MYZAP: variants seen among roughly 807,000 people sequenced by gnomAD.
MYZAP encodes GRINL1A complex locus upstream.
In MYZAP, 66 loss-of-function variants were observed where a neutral mutation model predicts 69.4. The ratio of observed to expected loss-of-function variants is 0.95; its 90% CI spans 0.78 to 1.17. The LOEUF (loss-of-function observed/expected upper bound fraction) is 1.17, where lower values mean the gene tolerates loss of function less well. Among genes scored for constraint, MYZAP ranks in the 50% most tolerant of loss-of-function variants. The pLI is 0.00. For synonymous variants in MYZAP, 256 were observed against 205.9 expected (o/e 1.24, Z -2.09); for missense variants, 611 against 556.2 (o/e 1.10, Z -0.99).
At chr15:57,597,664 G>A (rs1327170829) in intron 1 of MYZAP, among the ~76,000 whole-genome samples, 2 of 152,204 alleles carry the variant, frequency 1.3e-5, no homozygotes, top group Admixed American at 6.5e-5. Flanking sequence ...AAGCAGGAAT[G>A]TTTTGTATGC....
chr15:57,653,854 A>C (rs1296992352), intron 10 of MYZAP, among the ~76,000 whole-genome samples: 2 of 151,856 alleles, frequency 1.3e-5, no homozygotes, highest in Non-Finnish European at 2.9e-5. Context: ...AAAATTAAAA[A>C]ATTAGCCAGG....
intron 2 of MYZAP, among the ~76,000 whole-genome samples, chr15:57,613,327 C>G (rs1016010754): frequency 8.6e-5 from 13 of 151,680 alleles, no homozygotes; most frequent in Non-Finnish European, 1.6e-4. Flanking sequence ...TTTTTAGTAC[C>G]AAGTAGCATT....
chr15:57,683,031 G>A (rs1567246603), intron 12 of MYZAP, among the ~76,000 whole-genome samples: 1 of 152,148 alleles, frequency 6.6e-6, no homozygotes, highest in Non-Finnish European at 1.5e-5. Context: ...TGAAGGGACT[G>A]TTGTGGATGT....
At chr15:57,636,132 GTTTT>G (rs2036804441) in intron 8 of MYZAP, among the ~76,000 whole-genome samples, 2 of 151,068 alleles carry the variant, frequency 1.3e-5, no homozygotes, top group Admixed American at 1.3e-4. Context: ...TTTCTTTCTT[GTTTT>G]TTGTTTTTTT....
intron 12 of MYZAP, among the ~76,000 whole-genome samples, chr15:57,677,349 G>A (rs1019827311): frequency 4.6e-5 from 7 of 152,142 alleles, no homozygotes; most frequent in African/African-American, 7.2e-5. Flanking sequence ...TGGAACTCCC[G>A]GTCTAGTTAA....
At chr15:57,655,573 C>T (rs2037971992) in intron 10 of MYZAP, among the ~76,000 whole-genome samples, 2 of 151,636 alleles carry the variant, frequency 1.3e-5, no homozygotes, top group Admixed American at 1.3e-4. Flanking sequence ...ACCACCTATG[C>T]AGGTAACTCG....
chr15:57,599,943 G>A (rs1214058588), intron 1 of MYZAP, among the ~76,000 whole-genome samples: 19 of 152,108 alleles, frequency 1.2e-4, no homozygotes, highest in South Asian at 2.1e-4. Flanking sequence ...GTCTCTTCCC[G>A]ACATATTTTC....
At chr15:57,663,741 C>T (rs765605739) in intron 11 of MYZAP, among the ~76,000 whole-genome samples, 1 of 152,152 alleles carries the variant, frequency 6.6e-6, no homozygotes, top group African/African-American at 2.4e-5. Flanking sequence ...TGTTAGGAAA[C>T]AGGAATGCCC....
At chr15:57,642,087 TG>T (rs1350803262) in intron 10 of MYZAP, among the ~76,000 whole-genome samples, 4 of 152,248 alleles carry the variant, frequency 2.6e-5, no homozygotes, top group African/African-American at 9.6e-5. Context: ...TTTCTAATAC[TG>T]GCTGCACTGG....
intron 1 of MYZAP, among the ~76,000 whole-genome samples, chr15:57,598,823 G>C (rs1422231866): frequency 1.3e-5 from 2 of 152,188 alleles, no homozygotes; most frequent in African/African-American, 4.8e-5. Flanking sequence ...GCACAGACTA[G>C]AACGCCTTGC....
intron 3 of MYZAP, among the ~76,000 whole-genome samples, chr15:57,620,931 T>TC (rs2035765782): frequency 3.3e-5 from 5 of 151,222 alleles, no homozygotes; most frequent in Non-Finnish European, 7.4e-5. Flanking sequence ...TCAGAGTTTA[T>TC]TTGGCTAATT....
Position 57,593,214 on chromosome 15 carries a change from A to ACACACCCC in MYZAP, c.75+1106_75+1107insACACCCCC, listed in dbSNP as rs1172761785. Among the ~76,000 whole-genome samples, 67 of 141,434 alleles carry ACACACCCC rather than the reference A, an allele frequency of 4.7e-4. 2 individuals carry two copies. Among genetic ancestry groups the ACACACCCC allele is most frequent in the Admixed American group, 2.6e-3 (38 of 14,556 alleles). 92.8% of individuals were successfully genotyped at this position (141,434 alleles called of 152,430 possible). On this transcript the variant is annotated intron_variant, in intron 1 of 12. Coordinates refer to ENST00000267853, the MANE Select transcript of MYZAP (RefSeq NM_001018100.5). ...CACACACACACACACACACACACAC[A>ACACACCCC]CCCCAGAATCCATCAGTTGGCTCAT...
intron 2 of MYZAP, among the ~76,000 whole-genome samples, chr15:57,605,018 TG>T (rs2034657005): frequency 6.6e-6 from 1 of 152,292 alleles, no homozygotes; most frequent in Admixed American, 6.5e-5. Flanking sequence ...ACTGACTGCT[TG>T]GGAGGTGACA....
At chr15:57,650,790 G>A (rs756759832) in intron 10 of MYZAP, among the ~76,000 whole-genome samples, 2 of 152,166 alleles carry the variant, frequency 1.3e-5, no homozygotes, top group Non-Finnish European at 2.9e-5. Flanking sequence ...TCTAGGCAGG[G>A]ATTGAATGGG....
chr15:57,665,118 C>A (rs529404218), intron 11 of MYZAP, among the ~76,000 whole-genome samples: 1 of 152,198 alleles, frequency 6.6e-6, no homozygotes, highest in Non-Finnish European at 1.5e-5. Context: ...TGGAGACTAT[C>A]ATCAAACTCA....
intron 1 of MYZAP, among the ~76,000 whole-genome samples, chr15:57,598,759 C>T (rs1189949419): frequency 2.0e-5 from 3 of 152,190 alleles, no homozygotes; most frequent in East Asian, 3.9e-4. Flanking sequence ...CTGTCCTACC[C>T]AGGCTTAGGC....
intron 2 of MYZAP, among the ~76,000 whole-genome samples, chr15:57,611,454 TC>T (rs2035100103): frequency 6.6e-6 from 1 of 152,190 alleles, no homozygotes; most frequent in South Asian, 2.1e-4. Context: ...CGTGTATTCT[TC>T]CCTTTTCCGC....
intron 12 of MYZAP, among the ~76,000 whole-genome samples, chr15:57,680,034 T>A (rs1228571131): frequency 6.6e-6 from 1 of 152,200 alleles, no homozygotes; most frequent in Non-Finnish European, 1.5e-5. Flanking sequence ...TCCTTGATTC[T>A]CATCTTGAAA....
intron 11 of MYZAP, among the ~76,000 whole-genome samples, chr15:57,663,958 A>C (rs1320739809): frequency 6.6e-6 from 1 of 152,198 alleles, no homozygotes; most frequent in East Asian, 1.9e-4. Flanking sequence ...CAGACAATAT[A>C]TACAAAAAAA....
Sources: gnomAD v4.1 joint callset for allele counts (sites outside exome capture counted in the v4.1 genomes callset) on GRCh38, gnomAD v4.1.1 for gene constraint, MANE v1.5 for transcripts, NCBI Gene and HGNC (gene_info 2026-07-23, HGNC 2026-07-21) for gene names.